NKAIN2: variants seen among roughly 807,000 people sequenced by gnomAD.
NKAIN2 encodes sodium/potassium-transporting ATPase subunit beta-1-interacting protein 2.
Under a neutral mutation model 32.6 loss-of-function variants are expected in NKAIN2, and 14 were observed. The ratio of observed to expected loss-of-function variants is 0.43; its 90% CI spans 0.28 to 0.67. The LOEUF is 0.67. Among genes scored for constraint, NKAIN2 ranks in the 30% least tolerant of loss-of-function variants. NKAIN2 has a pLI of 0.17. For missense variants in NKAIN2, 198 were observed against 258.3 expected (o/e 0.77, Z 1.60); for synonymous variants, 80 against 87.2 (o/e 0.92, Z 0.46).
intron 3 of NKAIN2, among the ~76,000 whole-genome samples, chr6:124,413,379 G>A (rs1774306851): frequency 6.6e-6 from 1 of 152,136 alleles, no homozygotes; most frequent in African/African-American, 2.4e-5. Flanking sequence ...TTTGTCTAAA[G>A]TCCATTGTCT....
At chr6:124,336,480 T>C (rs999814787) in intron 2 of NKAIN2, among the ~76,000 whole-genome samples, 1 of 152,130 alleles carries the variant, frequency 6.6e-6, no homozygotes, top group Middle Eastern at 3.2e-3. Context: ...ATGTGTTACT[T>C]TGTGGGGATT....
At chr6:124,190,708 C>A (rs1266266717) in intron 1 of NKAIN2, among the ~76,000 whole-genome samples, 1 of 152,152 alleles carries the variant, frequency 6.6e-6, no homozygotes, top group African/African-American at 2.4e-5. Flanking sequence ...AAATATCCAT[C>A]TTCTAAGATG....
At chr6:124,739,031 T>C (rs993647004) in intron 4 of NKAIN2, among the ~76,000 whole-genome samples, 1 of 151,870 alleles carries the variant, frequency 6.6e-6, no homozygotes, top group Non-Finnish European at 1.5e-5. Flanking sequence ...TTATAGATAA[T>C]GCATATAACT....
intron 3 of NKAIN2, among the ~76,000 whole-genome samples, chr6:124,567,028 C>G (rs906886145): frequency 6.6e-6 from 1 of 152,156 alleles, no homozygotes; most frequent in Non-Finnish European, 1.5e-5. Context: ...TCTTTAAATT[C>G]TTTAGTACTT....
chr6:124,726,968 T>C (rs2114649325), intron 4 of NKAIN2, among the ~76,000 whole-genome samples: 1 of 143,642 alleles, frequency 7.0e-6, no homozygotes, highest in South Asian at 2.3e-4. Context: ...CGATGGAAGA[T>C]GAAATGAATG....
intron 1 of NKAIN2, among the ~76,000 whole-genome samples, chr6:124,174,155 G>T (rs182714604): frequency 6.6e-6 from 1 of 152,160 alleles, no homozygotes; most frequent in Admixed American, 6.5e-5. Flanking sequence ...TGATATGAGC[G>T]AGGTGGTACA....
At chr6:123,990,803 C>G (rs890704482) in intron 1 of NKAIN2, among the ~76,000 whole-genome samples, 1 of 152,108 alleles carries the variant, frequency 6.6e-6, no homozygotes, top group Admixed American at 6.6e-5. Flanking sequence ...TAAGGAGTTC[C>G]TGTACTGCTC....
intron 1 of NKAIN2, among the ~76,000 whole-genome samples, chr6:123,986,970 G>A (rs1779166190): frequency 6.6e-6 from 1 of 152,226 alleles, no homozygotes; most frequent in East Asian, 1.9e-4. Flanking sequence ...TATATAGGAG[G>A]ACTATAACGT....
chr6:124,134,249 CA>C (rs1786619416), intron 1 of NKAIN2, among the ~76,000 whole-genome samples: 2 of 152,038 alleles, frequency 1.3e-5, no homozygotes, highest in Admixed American at 1.3e-4. Flanking sequence ...ATACAAAATG[CA>C]GTGAAAAGAT....
intron 3 of NKAIN2, among the ~76,000 whole-genome samples, chr6:124,610,293 T>C (rs1782643956): frequency 6.6e-6 from 1 of 152,226 alleles, no homozygotes; most frequent in South Asian, 2.1e-4. Context: ...ATCTAGAACT[T>C]ATCCCAGTAC....
At chr6:123,916,460 T>C (rs1188614160) in intron 1 of NKAIN2, among the ~76,000 whole-genome samples, 1 of 151,980 alleles carries the variant, frequency 6.6e-6, no homozygotes, top group Non-Finnish European at 1.5e-5. Flanking sequence ...GATGAGGTTT[T>C]ACCATGTTGG....
chr6:124,311,359 A>AT (rs1240019589), intron 2 of NKAIN2, among the ~76,000 whole-genome samples: 1 of 152,116 alleles, frequency 6.6e-6, no homozygotes, highest in Non-Finnish European at 1.5e-5. Flanking sequence ...AACTCTCCGC[A>AT]TTTAATAGGA....
At chr6:124,712,722 G>T (rs908123582) in intron 4 of NKAIN2, among the ~76,000 whole-genome samples, 3 of 151,738 alleles carry the variant, frequency 2.0e-5, no homozygotes, top group East Asian at 3.9e-4. Flanking sequence ...CTAGTGAGAT[G>T]AACCTGGTAC....
chr6:124,460,525 C>A (rs1020633029), intron 3 of NKAIN2, among the ~76,000 whole-genome samples: 2 of 151,674 alleles, frequency 1.3e-5, no homozygotes, highest in Admixed American at 6.6e-5. Context: ...GTTGAAAATT[C>A]TTTTCCTTTG....
At position 124,424,796 on chromosome 6, in the gene NKAIN2, C is replaced by T. The variant is rs76595896; in HGVS notation, c.273+69449C>T. ...GATTAACACTTTGTTTTCTATATGT[C>T]TATATGTTCATCTATGATGCACACA... On this transcript the variant is annotated intron_variant, in intron 3 of 6. Transcript: ENST00000368417. Among the ~76,000 whole-genome samples, 659 of 152,158 alleles carry T rather than the reference C, an allele frequency of 4.3e-3. 44 individuals are homozygous for T. In the East Asian group the frequency reaches 0.11, roughly 25 times the overall value.
At chr6:124,241,505 A>G (rs1793092312) in intron 1 of NKAIN2, among the ~76,000 whole-genome samples, 1 of 152,210 alleles carries the variant, frequency 6.6e-6, no homozygotes, top group African/African-American at 2.4e-5. Flanking sequence ...ATATAAGGCA[A>G]CAGTAACCAA....
intron 1 of NKAIN2, among the ~76,000 whole-genome samples, chr6:124,150,966 G>T (rs1787684571): frequency 1.3e-5 from 2 of 152,028 alleles, no homozygotes; most frequent in Non-Finnish European, 2.9e-5. Flanking sequence ...TTGTTTTTCT[G>T]TAAAATCCTT....
intron 3 of NKAIN2, among the ~76,000 whole-genome samples, chr6:124,551,711 A>C (rs1300240311): frequency 6.6e-6 from 1 of 152,232 alleles, no homozygotes; most frequent in African/African-American, 2.4e-5. Context: ...CTTTTATCTG[A>C]AAACATTTCC....
At chr6:124,619,371 G>A (rs1351296738) in intron 3 of NKAIN2, among the ~76,000 whole-genome samples, 2 of 152,056 alleles carry the variant, frequency 1.3e-5, no homozygotes, top group Non-Finnish European at 2.9e-5. Flanking sequence ...CTAATTCTGA[G>A]AGATATCACA....
Sources: allele counts gnomAD v4.1 joint callset (sites outside exome capture counted in the v4.1 genomes callset), GRCh38; gene constraint gnomAD v4.1.1; transcripts MANE v1.5; gene names NCBI Gene and HGNC (gene_info 2026-07-23, HGNC 2026-07-21).